CAMK1D: variants seen among roughly 807,000 people sequenced by gnomAD.
CAMK1D encodes the protein calcium/calmodulin-dependent protein kinase type 1D.
Under a neutral mutation model 47.7 loss-of-function variants are expected in CAMK1D, and 9 were observed. That is an observed-to-expected ratio of 0.19 (90% CI 0.11 to 0.33). CAMK1D has a LOEUF of 0.33. Ranked by LOEUF, CAMK1D falls within the 10% of genes least tolerant of loss-of-function variation. CAMK1D has a pLI of 1.00. For synonymous variants in CAMK1D, 184 were observed against 184.9 expected, an observed-to-expected ratio of 0.99 and a Z score of 0.04; for missense variants, 291 against 488.7, an observed-to-expected ratio of 0.60 and a Z score of 3.81.
chr10:12,817,830 A>T (rs568118609), intron 8 of CAMK1D, among the ~76,000 whole-genome samples: 1 of 152,120 alleles, frequency 6.6e-6, no homozygotes, highest in South Asian at 2.1e-4. Context: ...AGCTGTGATT[A>T]ACAGGCACCA....
chr10:12,411,872 G>GC (rs1294347529), intron 1 of CAMK1D, among the ~76,000 whole-genome samples: 1 of 151,640 alleles, frequency 6.6e-6, no homozygotes, highest in Non-Finnish European at 1.5e-5. Context: ...GGGATTACAG[G>GC]CATGAGCCAC....
chr10:12,667,602 T>C (rs573403398), intron 3 of CAMK1D, among the ~76,000 whole-genome samples: 1 of 152,354 alleles, frequency 6.6e-6, no homozygotes, highest in South Asian at 2.1e-4. Flanking sequence ...CTTTAACCAT[T>C]ACCTGAATAA....
At chr10:12,656,851 C>CAT (rs1564471611) in intron 2 of CAMK1D, among the ~76,000 whole-genome samples, 1 of 151,782 alleles carries the variant, frequency 6.6e-6, no homozygotes, top group East Asian at 1.9e-4. Context: ...TGTGTATATA[C>CAT]ATTTTTTTTA....
chr10:12,828,413 G>C (rs974725429), intron 10 of CAMK1D, among the ~76,000 whole-genome samples: 5 of 152,272 alleles, frequency 3.3e-5, no homozygotes, highest in Non-Finnish European at 7.4e-5. Flanking sequence ...GGCTGAGGTG[G>C]GTGGATCACC....
Position 12,637,472 on chromosome 10 carries a change from T to C in CAMK1D, c.225-29264T>C, listed in dbSNP as rs370466723. ...TGCGTCTTTCTTTAATGCAAACGCA[T>C]GGACGTATGACATCCATTCACTTCT... is the stretch of plus-strand genomic sequence containing the variant. On this transcript the variant is annotated intron_variant, in intron 2 of 10. Coordinates refer to ENST00000619168, the MANE Select transcript of CAMK1D (RefSeq NM_153498.4). Among the ~76,000 whole-genome samples, 25 of 152,306 alleles carry C rather than the reference T, an allele frequency of 1.6e-4. No individual in the cohort carries two copies. In the East Asian group the frequency reaches 3.3e-3, roughly 20 times the overall value.
At chr10:12,762,622 C>T (rs1836562556) in intron 4 of CAMK1D, among the ~76,000 whole-genome samples, 1 of 152,072 alleles carries the variant, frequency 6.6e-6, no homozygotes, top group Non-Finnish European at 1.5e-5. Context: ...ACAGGTCTGC[C>T]CGTGATGAGG....
At chr10:12,412,692 TCA>T (rs1491207318) in intron 1 of CAMK1D, among the ~76,000 whole-genome samples, 1 of 37,118 alleles carries the variant, frequency 2.7e-5, no homozygotes. Flanking sequence ...TGAGACGCCA[TCA>T]AAAAAAAAAA....
At chr10:12,445,738 G>T (rs888288420) in intron 1 of CAMK1D, among the ~76,000 whole-genome samples, 1 of 152,152 alleles carries the variant, frequency 6.6e-6, no homozygotes, top group Non-Finnish European at 1.5e-5. Context: ...CAACTGCAGA[G>T]AATTATATTG....
intron 1 of CAMK1D, among the ~76,000 whole-genome samples, chr10:12,417,774 A>G (rs2801482): frequency 0.066 from 9,942 of 151,204 alleles, 503 homozygotes; most frequent in African/African-American, 0.14. Context: ...GGGCATCTCT[A>G]TGCTCTTTAT....
At chr10:12,786,510 T>C (rs1196746526) in intron 5 of CAMK1D, among the ~76,000 whole-genome samples, 2 of 152,200 alleles carry the variant, frequency 1.3e-5, no homozygotes, top group Admixed American at 6.5e-5. Context: ...ATAACAACCA[T>C]AGTGTTATCC....
intron 1 of CAMK1D, among the ~76,000 whole-genome samples, chr10:12,405,614 G>A (rs1035675070): frequency 3.3e-5 from 5 of 152,212 alleles, no homozygotes; most frequent in Non-Finnish European, 7.3e-5. Context: ...AGTGAAACCA[G>A]TGAAACGTCA....
In CAMK1D at chr10:12,583,916, G is replaced by A. The variant is rs901662173; in HGVS notation, c.224+30560G>A. 5.3e-5 allele frequency among the ~76,000 whole-genome samples: 8 copies of A among 152,198 alleles called. No individual in the cohort carries two copies. In the East Asian group the frequency reaches 1.5e-3, roughly 29 times the overall value. On this transcript the variant is annotated intron_variant, in intron 2 of 10. Coordinates refer to ENST00000619168, the MANE Select transcript of CAMK1D (RefSeq NM_153498.4). Reference sequence around the variant, plus strand: ...CCTGGCTGTGTTTTAATCTTTTTGAGGCCTGTGTGAGTGTAATTGTACTAG... The same window carrying A: ...CCTGGCTGTGTTTTAATCTTTTTGAAGCCTGTGTGAGTGTAATTGTACTAG...
Position 12,825,793 on chromosome 10 carries a change from C to T in CAMK1D, c.1039+103C>T, listed in dbSNP as rs1044088487. On this transcript the variant is annotated intron_variant, in intron 10 of 10. Transcript: ENST00000619168. Reference sequence around the variant, plus strand: ...TGCCGAGCACCTCCTGTTTGCCAGGCGCTTTCTATACTTAATCCCATGTCA... The same window carrying T: ...TGCCGAGCACCTCCTGTTTGCCAGGTGCTTTCTATACTTAATCCCATGTCA... 2.9e-5 allele frequency: 45 copies of T among 1,577,042 alleles called. No homozygotes were observed. The South Asian group carries it at 3.8e-4, about 13-fold the overall frequency.
Position 12,631,488 on chromosome 10 carries a change from A to T in CAMK1D, c.225-35248A>T, listed in dbSNP as rs189191867. 1.4e-4 allele frequency among the ~76,000 whole-genome samples: 22 copies of T among 152,260 alleles called. No homozygotes were observed. In the South Asian group the frequency reaches 4.4e-3, roughly 30 times the overall value. On this transcript the variant is annotated intron_variant, in intron 2 of 10. Transcript: ENST00000619168. ...TTAATAAAGTTTTAAACTAATAGCC[A>T]ATCAGGTAAAGTGTAAAATGTGAGA... is the stretch of plus-strand genomic sequence containing the variant.
At chr10:12,513,139 T>C (rs1177000235) in intron 1 of CAMK1D, among the ~76,000 whole-genome samples, 1 of 152,196 alleles carries the variant, frequency 6.6e-6, no homozygotes, top group African/African-American at 2.4e-5. Flanking sequence ...GCCAGGTGTT[T>C]TGCTGGCTTT....
chr10:12,638,784 C>T (rs10906191), intron 2 of CAMK1D, among the ~76,000 whole-genome samples: 136,348 of 152,198 alleles, frequency 0.9, 61,125 homozygotes, highest in Middle Eastern at 0.93. Context: ...TTTTGTATCA[C>T]CAAATCTATA....
intron 1 of CAMK1D, among the ~76,000 whole-genome samples, chr10:12,429,441 GC>G (rs1048484238): frequency 6.6e-6 from 1 of 152,074 alleles, no homozygotes; most frequent in African/African-American, 2.4e-5. Context: ...CAAGGCTCAA[GC>G]AATTCTCCTG....
intron 1 of CAMK1D, among the ~76,000 whole-genome samples, chr10:12,516,073 A>G (rs775178744): frequency 1.3e-5 from 2 of 151,844 alleles, no homozygotes; most frequent in African/African-American, 2.4e-5. Flanking sequence ...GGTTTGTTTC[A>G]CCATTCTCAG....
intron 6 of CAMK1D, among the ~76,000 whole-genome samples, chr10:12,793,076 C>G (rs1370528398): frequency 6.6e-6 from 1 of 152,116 alleles, no homozygotes; most frequent in Non-Finnish European, 1.5e-5. Flanking sequence ...GTTACTCACC[C>G]TGGCTCTCTA....
Sources: allele counts gnomAD v4.1 joint callset (sites outside exome capture counted in the v4.1 genomes callset), GRCh38; gene constraint gnomAD v4.1.1; transcripts MANE v1.5; gene names NCBI Gene and HGNC (gene_info 2026-07-23, HGNC 2026-07-21).